The following ATP8A2 variants were observed in gnomAD, a reference collection of about 807,000 sequenced individuals.
ATP8A2 encodes the protein phospholipid-transporting ATPase IB.
A neutral mutation model predicts 165.6 loss-of-function variants in ATP8A2; 100 were observed. The ratio of observed to expected loss-of-function variants is 0.60; its 90% confidence interval spans 0.51 to 0.71. The LOEUF (loss-of-function observed/expected upper bound fraction) is 0.71. Ranked by LOEUF, ATP8A2 falls within the 30% of genes least tolerant of loss-of-function variation. The pLI is 0.00. For missense variants in ATP8A2, 1,227 were observed against 1,479.5 expected (o/e 0.83, Z 2.80); for synonymous variants, 543 against 548.8 (o/e 0.99, Z 0.15).
intron 2 of ATP8A2, among the ~76,000 whole-genome samples, chr13:25,499,890 A>G (rs2036799031): frequency 2.6e-5 from 4 of 152,216 alleles, no homozygotes; most frequent in Admixed American, 2.6e-4. Context: ...GGAAGTGATG[A>G]TTGTGTTAAG....
At chr13:25,650,270 T>TGGTGAATA (rs2041780100) in intron 24 of ATP8A2, among the ~76,000 whole-genome samples, 1 of 152,186 alleles carries the variant, frequency 6.6e-6, no homozygotes, top group Non-Finnish European at 1.5e-5. Flanking sequence ...AAGGCGTTCT[T>TGGTGAATA]GTCTGTGGAT....
chr13:25,929,219 C>T (rs1460957026), intron 33 of ATP8A2, among the ~76,000 whole-genome samples: 1 of 152,110 alleles, frequency 6.6e-6, no homozygotes, highest in Admixed American at 6.5e-5. Flanking sequence ...CTGGAGAGCA[C>T]CAGGGAAGTC....
At position 25,533,284 on chromosome 13, in the gene ATP8A2, G is replaced by T; in HGVS notation, c.478G>T (p.Gly160Cys). 1 of 1,508,438 alleles carries T rather than the reference G, an allele frequency of 6.6e-7. No individual in the cohort carries two copies. Among genetic ancestry groups the T allele is most frequent in the South Asian group, 1.2e-5 (1 of 86,908 alleles). 93.4% of individuals were successfully genotyped at this position (1,508,438 alleles called of 1,614,324 possible). The change falls in exon 6 of 37, where the codon GGT (glycine) becomes TGT (cysteine). Residue 160 changes from glycine (G) to cysteine (C), a missense_variant. By Grantham distance (159) the Gly-to-Cys change is radical. Around this residue, in one of 5 missense-constraint regions of ATP8A2, gnomAD observed 356 missense variants for 394.9 expected, o/e 0.90. Coordinates refer to ENST00000381655, the MANE Select transcript of ATP8A2 (RefSeq NM_016529.6). Reference sequence around the variant, plus strand: ...TTTCTCTTTTTCAGTGTTAAGAAATGGTATGTGGCATACCATTATGTGGAA... The same window carrying T: ...TTTCTCTTTTTCAGTGTTAAGAAATTGTATGTGGCATACCATTATGTGGAA... The part of the protein sequence containing the change: ...NKKKTIVLRN[G>C]MWHTIMWKEV...
chr13:25,864,135 T>C (rs1393649785), intron 33 of ATP8A2, among the ~76,000 whole-genome samples: 12 of 152,224 alleles, frequency 7.9e-5, no homozygotes, highest in African/African-American at 4.8e-5. Context: ...TGGTTCAGGA[T>C]GGATCTGCTG....
intron 33 of ATP8A2, among the ~76,000 whole-genome samples, chr13:25,905,287 C>CT (rs1307941613): frequency 2.0e-5 from 3 of 152,062 alleles, no homozygotes; most frequent in African/African-American, 7.3e-5. Context: ...AGTGACATCT[C>CT]TTATACACTC....
At chr13:25,816,888 A>G (rs925577841) in intron 27 of ATP8A2, among the ~76,000 whole-genome samples, 2 of 152,148 alleles carry the variant, frequency 1.3e-5, no homozygotes, top group Admixed American at 1.3e-4. Flanking sequence ...TCTTCTGATG[A>G]TCCTAGTCTG....
chr13:25,478,970 C>T (rs910431123), intron 2 of ATP8A2, among the ~76,000 whole-genome samples: 3 of 152,104 alleles, frequency 2.0e-5, no homozygotes, highest in Non-Finnish European at 4.4e-5. Flanking sequence ...GCCTCAGCCT[C>T]CCAAGTAGCT....
At chr13:25,564,450 T>C (rs1211325618) in intron 16 of ATP8A2, among the ~76,000 whole-genome samples, 1 of 152,248 alleles carries the variant, frequency 6.6e-6, no homozygotes, top group African/African-American at 2.4e-5. Context: ...TGCATTCTAC[T>C]GTGTGCCAGG....
chr13:25,571,584 A>G (rs377437717), intron 17 of ATP8A2, 26 bp from the exon 18 acceptor site: 62 of 1,582,698 alleles, frequency 3.9e-5, no homozygotes, highest in Non-Finnish European at 4.5e-5. Flanking sequence ...TGATATGTCA[A>G]TGTTTCACCA....
intron 33 of ATP8A2, among the ~76,000 whole-genome samples, chr13:25,960,166 C>T (rs1221593813): frequency 2.0e-5 from 3 of 152,110 alleles, no homozygotes; most frequent in Non-Finnish European, 2.9e-5. Context: ...TCAGGGTAAG[C>T]GGGTGGGGAT....
chr13:25,896,794 T>C (rs1566248358), intron 33 of ATP8A2, among the ~76,000 whole-genome samples: 3 of 152,212 alleles, frequency 2.0e-5, no homozygotes, highest in Non-Finnish European at 4.4e-5. Flanking sequence ...GTAATGGCCT[T>C]CTTTGTCTCT....
At chr13:25,849,635 T>C (rs1488830752) in intron 30 of ATP8A2, among the ~76,000 whole-genome samples, 1 of 152,196 alleles carries the variant, frequency 6.6e-6, no homozygotes, top group Admixed American at 6.5e-5. Flanking sequence ...GGAGAGCTCA[T>C]GTGGTTTTGT....
chr13:25,528,156 C>T (rs2037901385), intron 2 of ATP8A2, among the ~76,000 whole-genome samples: 1 of 152,082 alleles, frequency 6.6e-6, no homozygotes, highest in Admixed American at 6.6e-5. Flanking sequence ...TGATTCTGGC[C>T]AGATTTCACA....
chr13:25,771,346 C>A (rs995714828), intron 26 of ATP8A2, among the ~76,000 whole-genome samples: 3 of 152,192 alleles, frequency 2.0e-5, no homozygotes, highest in Non-Finnish European at 4.4e-5. Flanking sequence ...GCCTGTGGGA[C>A]TCGCACTTCC....
intron 24 of ATP8A2, among the ~76,000 whole-genome samples, chr13:25,660,690 A>C (rs1294389292): frequency 1.3e-5 from 2 of 152,222 alleles, no homozygotes; most frequent in African/African-American, 2.4e-5. Flanking sequence ...ATATGAAGCA[A>C]TAAACCAAGT....
At chr13:25,585,901 A>G (rs762739504) in intron 23 of ATP8A2, among the ~76,000 whole-genome samples, 16 of 152,216 alleles carry the variant, frequency 1.1e-4, no homozygotes, top group South Asian at 2.1e-4. Context: ...AGCTTGGGCA[A>G]CTTACATTCC....
chr13:25,953,929 T>C lies in ATP8A2; in HGVS notation c.3184-7646T>C, dbSNP rs1244235280. Reference sequence around the variant, plus strand: ...TTTCAAGCACAAAACTGCATGGCTGTTTCGGCAGACACCGAGCTAGCTGCA... The same window carrying C: ...TTTCAAGCACAAAACTGCATGGCTGCTTCGGCAGACACCGAGCTAGCTGCA... On this transcript the variant is annotated intron_variant, in intron 33 of 36. Coordinates refer to ENST00000381655, the MANE Select transcript of ATP8A2 (RefSeq NM_016529.6). The surrounding 1 kb of genome is among the most constrained non-coding windows in gnomAD (Gnocchi z 6.7). 1.3e-5 allele frequency among the ~76,000 whole-genome samples: 2 copies of C among 151,110 alleles called. No homozygotes were observed. The highest frequency in any genetic ancestry group is 1.5e-5 in the Non-Finnish European group (1 of 67,894).
chr13:25,402,051 T>G (rs1420193423), intron 1 of ATP8A2, among the ~76,000 whole-genome samples: 1 of 152,134 alleles, frequency 6.6e-6, no homozygotes, highest in Non-Finnish European at 1.5e-5. Context: ...TAAGGGCTAC[T>G]TGAATCCTAG....
At chr13:25,698,162 C>T (rs548478826) in intron 24 of ATP8A2, among the ~76,000 whole-genome samples, 89 of 151,444 alleles carry the variant, frequency 5.9e-4, no homozygotes, top group Non-Finnish European at 3.2e-4. Flanking sequence ...AAATTACATT[C>T]TTATATTTGA....
Sources: allele counts gnomAD v4.1 joint callset (sites outside exome capture counted in the v4.1 genomes callset), GRCh38; gene constraint gnomAD v4.1.1; regional missense constraint gnomAD v4.1.1; non-coding constraint Gnocchi (gnomAD v3.1); transcripts MANE v1.5; gene names NCBI Gene and HGNC (gene_info 2026-07-23, HGNC 2026-07-21).